Variants in ADARB2 observed in about 807,000 individuals in gnomAD.
ADARB2 encodes adenosine deaminase RNA specific B2 (inactive), also known as inactive double-stranded RNA-specific editase B2.
ADARB2 carries 25 observed loss-of-function variants against 62.2 expected under a neutral mutation model. That is an observed-to-expected ratio of 0.40 (90% CI 0.29 to 0.56). The LOEUF (loss-of-function observed/expected upper bound fraction) is 0.56, where lower values mean the gene tolerates loss of function less well. ADARB2 is among the 20% of genes least tolerant of loss of function. The probability of loss-of-function intolerance (pLI) is 0.43; values close to 1 mark genes in which losing one functional copy is unlikely to be tolerated. For missense variants in ADARB2, 1,071 were observed against 1,077.4 expected (o/e 0.99, Z 0.08); for synonymous variants, 572 against 500.8 (o/e 1.14, Z -1.90).
At chr10:1,263,454 C>A (rs985080932) in intron 4 of ADARB2, among the ~76,000 whole-genome samples, 2 of 152,044 alleles carry the variant, frequency 1.3e-5, no homozygotes, top group African/African-American at 2.4e-5. Context: ...GTCAAAGAGA[C>A]CAGAATAAAA....
intron 7 of ADARB2, among the ~76,000 whole-genome samples, chr10:1,205,252 G>C (rs991647756): frequency 1.3e-5 from 2 of 151,890 alleles, no homozygotes; most frequent in Non-Finnish European, 2.9e-5. Flanking sequence ...GGGAGTACAC[G>C]AGGGCCTTGT....
chr10:1,568,015 C>A (rs752400016), intron 1 of ADARB2, among the ~76,000 whole-genome samples: 5 of 152,234 alleles, frequency 3.3e-5, no homozygotes, highest in Non-Finnish European at 5.9e-5. Flanking sequence ...CACACAGCAG[C>A]AGCTGCCATT....
chr10:1,513,776 A>G (rs548517302), intron 1 of ADARB2, among the ~76,000 whole-genome samples: 16 of 152,106 alleles, frequency 1.1e-4, no homozygotes, highest in Non-Finnish European at 1.9e-4. Context: ...GATCACAGCT[A>G]ATCATGCTGG....
chr10:1,546,512 C>G (rs1832523215), intron 1 of ADARB2, among the ~76,000 whole-genome samples: 1 of 152,172 alleles, frequency 6.6e-6, no homozygotes, highest in African/African-American at 2.4e-5. Flanking sequence ...GGGGACACAG[C>G]CTGGGGACAC....
At chr10:1,284,430 G>A (rs182131534) in intron 3 of ADARB2, among the ~76,000 whole-genome samples, 136 of 152,294 alleles carry the variant, frequency 8.9e-4, no homozygotes, top group Non-Finnish European at 1.4e-3. Context: ...GGCTAGGAAG[G>A]TTAAACTGTT....
chr10:1,633,395 A>G (rs1833866304), intron 1 of ADARB2, among the ~76,000 whole-genome samples: 1 of 152,242 alleles, frequency 6.6e-6, no homozygotes, highest in African/African-American at 2.4e-5. Flanking sequence ...AATGCTCACC[A>G]GAATATTTCA....
intron 3 of ADARB2, among the ~76,000 whole-genome samples, chr10:1,276,738 G>T (rs1164248017): frequency 6.6e-6 from 1 of 152,136 alleles, no homozygotes; most frequent in Admixed American, 6.5e-5. Flanking sequence ...ATTGAACTCA[G>T]CTCTGCACCA....
intron 2 of ADARB2, among the ~76,000 whole-genome samples, chr10:1,371,572 G>A (rs372268399): frequency 1.8e-4 from 28 of 152,070 alleles, no homozygotes; most frequent in African/African-American, 5.5e-4. Flanking sequence ...GCTAATATCC[G>A]GAATCTGCAT....
intron 1 of ADARB2, among the ~76,000 whole-genome samples, chr10:1,702,006 G>A (rs1453348845): frequency 1.3e-5 from 2 of 152,212 alleles, no homozygotes; most frequent in African/African-American, 4.8e-5. Flanking sequence ...GAAATTTAAA[G>A]AAAGACAAAG....
intron 1 of ADARB2, among the ~76,000 whole-genome samples, chr10:1,473,726 C>G (rs1831357620): frequency 6.6e-6 from 1 of 152,216 alleles, no homozygotes. Context: ...AGAGCCACAG[C>G]TGTCTATAGA....
intron 1 of ADARB2, among the ~76,000 whole-genome samples, chr10:1,465,497 T>C (rs2813416): frequency 0.89 from 135,093 of 152,274 alleles, 60,008 homozygotes; most frequent in East Asian, 1. Context: ...ACTGTGTCCT[T>C]GGGGACCGTG....
intron 3 of ADARB2, chr10:1,291,867 TAGAG>T (rs931758229): frequency 1.3e-5 from 2 of 152,394 alleles, no homozygotes; most frequent in Non-Finnish European, 2.9e-5. Flanking sequence ...TGTGTTTCCC[TAGAG>T]AGGACCCCGA....
At chr10:1,545,777 G>T (rs549691966) in intron 1 of ADARB2, among the ~76,000 whole-genome samples, 1 of 152,204 alleles carries the variant, frequency 6.6e-6, no homozygotes, top group Non-Finnish European at 1.5e-5. Flanking sequence ...CAGTGAGGGC[G>T]CACGGGGCAT....
intron 1 of ADARB2, among the ~76,000 whole-genome samples, chr10:1,543,935 G>A (rs1296772585): frequency 2.0e-5 from 3 of 147,768 alleles, no homozygotes; most frequent in African/African-American, 7.5e-5. Flanking sequence ...TGCAAAATGG[G>A]ACCTTAACAT....
At chr10:1,489,458 T>A (rs1831592350) in intron 1 of ADARB2, among the ~76,000 whole-genome samples, 2 of 152,226 alleles carry the variant, frequency 1.3e-5, no homozygotes, top group African/African-American at 4.8e-5. Flanking sequence ...GATCTAACAT[T>A]TTCCTGTGAG....
rs1588315268 is a variant in ADARB2, at chr10:1,592,499, ACCCAGCTTCCCTCG to A, written c.100+144538_100+144551del. On this transcript the variant is annotated intron_variant, in intron 1 of 9. Coordinates refer to ENST00000381312, the MANE Select transcript of ADARB2 (RefSeq NM_018702.4). ...CCTCTCTGGCATGGTCCCCTCTGTCACCCAGCTTCCCTCGCCCAAGCCACCCTCCATAGGTCTCC... is the reference window on the plus strand; with the variant it reads ...CCTCTCTGGCATGGTCCCCTCTGTCACCCAAGCCACCCTCCATAGGTCTCC... 6.1e-4 allele frequency among the ~76,000 whole-genome samples: 10 copies of A among 16,476 alleles called. 3 individuals are homozygous for A. In the East Asian group the frequency reaches 0.042, roughly 69 times the overall value. 10.8% of individuals were successfully genotyped at this position (16,476 alleles called of 152,430 possible).
intron 1 of ADARB2, among the ~76,000 whole-genome samples, chr10:1,706,351 A>T (rs1270194327): frequency 6.6e-6 from 1 of 152,218 alleles, no homozygotes; most frequent in African/African-American, 2.4e-5. Flanking sequence ...AGAACTGGGG[A>T]ATAGGAACAG....
chr10:1,517,216 G>C (rs1049229468), intron 1 of ADARB2, among the ~76,000 whole-genome samples: 3 of 152,066 alleles, frequency 2.0e-5, no homozygotes, highest in Non-Finnish European at 4.4e-5. Context: ...GGGCACTACC[G>C]TATGTGCTTA....
intron 1 of ADARB2, chr10:1,674,969 G>A (rs1834443484): frequency 1.0e-6 from 1 of 982,044 alleles, no homozygotes; most frequent in Non-Finnish European, 1.2e-6. Flanking sequence ...GGATATTCTG[G>A]AGGTTTGGGT....
Sources: gnomAD v4.1 joint callset for allele counts (sites outside exome capture counted in the v4.1 genomes callset) on GRCh38, gnomAD v4.1.1 for gene constraint, MANE v1.5 for transcripts, NCBI Gene and HGNC (gene_info 2026-07-23, HGNC 2026-07-21) for gene names.